The following NIPBL variants were observed in gnomAD, a reference collection of about 807,000 sequenced individuals.
The protein encoded by NIPBL is nipped-B-like protein.
A neutral mutation model predicts 321.8 loss-of-function variants in NIPBL; 19 were observed. The ratio of observed to expected loss-of-function variants is 0.06; its 90% CI spans 0.04 to 0.09. The LOEUF (loss-of-function observed/expected upper bound fraction) is 0.09. Among genes scored for constraint, NIPBL ranks in the 10% least tolerant of loss-of-function variants. The pLI, the probability that NIPBL is intolerant of heterozygous loss-of-function variation, is 1.00. For missense variants in NIPBL, 2,210 were observed against 3,327.0 expected (o/e 0.66, Z 8.26); for synonymous variants, 1,106 against 1,114.1 (o/e 0.99, Z 0.14).
chr5:36,881,716 CACTT>C (rs1745518903), intron 1 of NIPBL, among the ~76,000 whole-genome samples: 3 of 151,878 alleles, frequency 2.0e-5, no homozygotes, highest in South Asian at 2.1e-4. Flanking sequence ...CTTGCCCAGT[CACTT>C]AGTCAAGAAA....
chr5:37,044,511 TTTA>T, intron 35 of NIPBL, 24 bp downstream of exon 35: 2 of 1,610,754 alleles, frequency 1.2e-6, no homozygotes, highest in Non-Finnish European at 1.7e-6. Context: ...TTACCATTTC[TTTA>T]TTCATTAGTG....
intron 1 of NIPBL, among the ~76,000 whole-genome samples, chr5:36,913,385 C>CTTTT (rs770339545): frequency 1.5e-5 from 2 of 137,876 alleles, no homozygotes; most frequent in African/African-American, 5.3e-5. Context: ...TTATTTCCTT[C>CTTTT]TTTTTTTTTT....
intron 1 of NIPBL, among the ~76,000 whole-genome samples, chr5:36,879,549 T>C (rs1389956416): frequency 6.6e-6 from 1 of 152,200 alleles, no homozygotes; most frequent in Admixed American, 6.5e-5. Flanking sequence ...TCTGATAACC[T>C]AGTTGGAGAG....
rs762118494 is a variant in NIPBL at position 37,001,025 on chromosome 5, C to G, written c.3611C>G (p.Ala1204Gly). The change falls in exon 14 of 47, where the codon GCC (alanine) becomes GGC (glycine). Residue 1204 changes from alanine to glycine, a missense_variant. Around this residue, in one of 14 missense-constraint regions of NIPBL, gnomAD observed 381 missense variants for 642.3 expected, o/e 0.59. Coordinates refer to ENST00000282516, the MANE Select transcript of NIPBL (RefSeq NM_133433.4). ...MDSSTFKRFTASIENILDNLE... is the reference protein window; with the variant it reads ...MDSSTFKRFTGSIENILDNLE... ...TCTTCAACTTTTAAGAGATTCACAG[C>G]CTCAATAGAGAATATTTTGGATAAT... 3.1e-6 allele frequency: 5 copies of G among 1,611,750 alleles called. No homozygotes were observed. The South Asian group carries it at 5.5e-5, about 18-fold the overall frequency.
intron 32 of NIPBL, among the ~76,000 whole-genome samples, chr5:37,032,385 A>G (rs1481165081): frequency 6.1e-5 from 6 of 98,986 alleles, no homozygotes; most frequent in Non-Finnish European, 1.1e-4. Flanking sequence ...ATACATGTAT[A>G]CGTGTGTGTG....
At position 37,016,547 on chromosome 5, in the gene NIPBL, C is replaced by T. The variant is rs199882684; in HGVS notation, c.4776+377C>T. On this transcript the variant is annotated intron_variant, in intron 23 of 46. Coordinates refer to ENST00000282516, the MANE Select transcript of NIPBL (RefSeq NM_133433.4). ...CTACAAATGTATGGCATTTTGTAGT[C>T]GTCATGTAACACAGTAGGTAAATGC... 2.0e-5 allele frequency among the ~76,000 whole-genome samples: 3 copies of T among 152,072 alleles called. No individual in the cohort carries two copies. In the East Asian group the frequency reaches 5.8e-4, roughly 29 times the overall value.
At chr5:36,887,323 C>T (rs1215309641) in intron 1 of NIPBL, among the ~76,000 whole-genome samples, 2 of 152,102 alleles carry the variant, frequency 1.3e-5, no homozygotes, top group African/African-American at 4.8e-5. Flanking sequence ...ACACCAAAAA[C>T]TTGAGTTTAC....
At chr5:36,913,291 T>C (rs1370798166) in intron 1 of NIPBL, among the ~76,000 whole-genome samples, 2 of 152,126 alleles carry the variant, frequency 1.3e-5, no homozygotes, top group Non-Finnish European at 2.9e-5. Flanking sequence ...CAAAAAAGTA[T>C]GTGTAAAGTG....
Position 37,059,090 on chromosome 5 carries a change from C to T in NIPBL, c.7610C>T (p.Ala2537Val), listed in dbSNP as rs1462774697. The change falls in exon 44 of 47, where the codon GCA (alanine) becomes GTA (valine). Residue 2537 changes from alanine to valine, a missense_variant. This residue lies in a region of NIPBL where 79 missense variants were observed against 90.8 expected (regional missense o/e 0.87). Coordinates refer to ENST00000282516, the MANE Select transcript of NIPBL (RefSeq NM_133433.4). ...PENSAPLIEF[A>V]NVSQGILLLL... Reference sequence around the variant, plus strand: ...AATTCAGCTCCTTTAATCGAATTTGCAAATGTGTCCCAGGGTATTTTATTA... The same window carrying T: ...AATTCAGCTCCTTTAATCGAATTTGTAAATGTGTCCCAGGGTATTTTATTA... 6.2e-7 allele frequency: 1 copy of T among 1,614,118 alleles called. No individual in the cohort carries two copies. Among genetic ancestry groups the T allele is most frequent in the Middle Eastern group, 1.6e-4 (1 of 6,062 alleles).
chr5:36,876,951 C>G lies in NIPBL; in HGVS notation c.-307C>G, dbSNP rs377354585. Reference sequence around the variant, plus strand: ...CCGCGGCGATGCCCCCCCGGTAGCTCGGGCCCGTGGTCGGGTGTTTGTGAG... The same window carrying G: ...CCGCGGCGATGCCCCCCCGGTAGCTGGGGCCCGTGGTCGGGTGTTTGTGAG... On this transcript the variant is annotated 5_prime_UTR_variant, in exon 1 of 47. Transcript: ENST00000282516. 1.5e-5 allele frequency: 6 copies of G among 393,792 alleles called. No individual in the cohort carries two copies. The highest frequency in any genetic ancestry group is 6.2e-5 in the African/African-American group (3 of 48,106). 24.4% of individuals were successfully genotyped at this position (393,792 alleles called of 1,614,324 possible).
intron 1 of NIPBL, among the ~76,000 whole-genome samples, chr5:36,930,894 G>A (rs1749726404): frequency 6.6e-6 from 1 of 152,032 alleles, no homozygotes; most frequent in Non-Finnish European, 1.5e-5. Flanking sequence ...AATCCCATTT[G>A]GTCATAATGT....
intron 6 of NIPBL, among the ~76,000 whole-genome samples, chr5:36,970,669 A>C (rs1742753712): frequency 6.6e-6 from 1 of 151,994 alleles, no homozygotes; most frequent in Non-Finnish European, 1.5e-5. Flanking sequence ...GGAGATCTTC[A>C]ACTATATTTG....
At chr5:36,914,694 T>C (rs369252622) in intron 1 of NIPBL, among the ~76,000 whole-genome samples, 5 of 152,352 alleles carry the variant, frequency 3.3e-5, no homozygotes, top group South Asian at 4.1e-4. Context: ...GTTCCAAGAA[T>C]TGACACTCAA....
Position 37,064,741 on chromosome 5 carries a change from A to C in NIPBL, c.8264A>C (p.Asp2755Ala). 3.1e-6 allele frequency: 5 copies of C among 1,614,218 alleles called. No individual in the cohort carries two copies. The highest frequency in any genetic ancestry group is 4.2e-6 in the Non-Finnish European group (5 of 1,180,032). The change falls in exon 47 of 47, where the codon GAT (aspartate) becomes GCT (alanine). Residue 2755 changes from aspartate to alanine, a missense_variant. This residue lies in a region of NIPBL where 159 missense variants were observed against 319.2 expected (regional missense o/e 0.50). Coordinates refer to ENST00000282516, the MANE Select transcript of NIPBL (RefSeq NM_133433.4). Reference protein sequence around the residue: ...SGSWTEAKRRDGRKLVPWVDT... With the variant: ...SGSWTEAKRRAGRKLVPWVDT... The stretch of plus-strand genomic sequence containing the variant: ...TCCTGGACTGAGGCTAAGCGCCGTG[A>C]TGGCCGCAAACTGGTGCCTTGGGTA...
intron 10 of NIPBL, among the ~76,000 whole-genome samples, chr5:36,990,476 T>C (rs1039486433): frequency 6.6e-6 from 1 of 152,206 alleles, no homozygotes; most frequent in African/African-American, 2.4e-5. Context: ...ATTGTAATAT[T>C]GAATAATATT....
At chr5:36,922,430 A>G (rs1749018493) in intron 1 of NIPBL, among the ~76,000 whole-genome samples, 1 of 152,152 alleles carries the variant, frequency 6.6e-6, no homozygotes, top group African/African-American at 2.4e-5. Flanking sequence ...ATTCATAGAA[A>G]AAGTATTTTG....
At chr5:36,921,726 A>G (rs2149559306) in intron 1 of NIPBL, among the ~76,000 whole-genome samples, 1 of 152,318 alleles carries the variant, frequency 6.6e-6, no homozygotes, top group South Asian at 2.1e-4. Context: ...GCTTTCCAAA[A>G]TGAATGGGAC....
At chr5:37,044,520 T>G (rs1752774233) in intron 35 of NIPBL, 33 bp downstream of exon 35, 2 of 1,606,674 alleles carry the variant, frequency 1.2e-6, no homozygotes, top group East Asian at 4.5e-5. Context: ...CTTTATTCAT[T>G]AGTGTAAAGT....
Position 36,984,733 on chromosome 5 carries a change from C to T in NIPBL, c.1553C>T (p.Thr518Ile). The T allele has an allele frequency of 6.2e-7, 1 of 1,613,240 alleles. No individual in the cohort carries two copies. Among genetic ancestry groups the T allele is most frequent in the East Asian group, 2.2e-5 (1 of 44,872 alleles). ...TACCCACAGGAGGCTGGGGGTGCTA[C>T]AGGAGGTAATAGACCAGCTTCTCAG... ...DSYPQEAGGA[T>I]GGNRPASQET... Residue 518 changes from threonine (T) to isoleucine (I), a missense_variant, in exon 10 of 47, where the codon ACA (threonine) becomes ATA (isoleucine). Thr to Ile is a moderately conservative substitution (Grantham distance 89). This residue lies in a region of NIPBL where 588 missense variants were observed against 564.1 expected (regional missense o/e 1.04). Transcript: ENST00000282516.
Sources: gnomAD v4.1 joint callset for allele counts (sites outside exome capture counted in the v4.1 genomes callset) on GRCh38, gnomAD v4.1.1 for gene constraint, gnomAD v4.1.1 regional missense constraint, MANE v1.5 for transcripts, NCBI Gene and HGNC (gene_info 2026-07-23, HGNC 2026-07-21) for gene names.